SEMA6D: variants seen among roughly 807,000 people sequenced by gnomAD.
SEMA6D encodes semaphorin-6D.
SEMA6D carries 35 observed loss-of-function variants against 106.6 expected under a neutral mutation model. The ratio of observed to expected loss-of-function variants is 0.33; its 90% CI spans 0.25 to 0.44. The LOEUF is 0.44. SEMA6D is among the 20% of genes least tolerant of loss of function. SEMA6D has a pLI of 1.00. For synonymous variants in SEMA6D, 499 were observed against 487.7 expected (o/e 1.02, Z -0.31); for missense variants, 1,185 against 1,345.9 (o/e 0.88, Z 1.87).
Position 47,534,459 on chromosome 15 carries a change from A to G in SEMA6D, c.-87+63914A>G, listed in dbSNP as rs139486599. Among the ~76,000 whole-genome samples, 318 of 152,328 alleles carry G rather than the reference A, an allele frequency of 2.1e-3. 2 individuals are homozygous for G. The highest frequency in any genetic ancestry group is 7.0e-3 in the African/African-American group (292 of 41,570). ...CAGCCTCCCAGAGTGCTGGGATGAC[A>G]GGCATGAGCCACCACACCTGGCCAA... is the stretch of plus-strand genomic sequence containing the variant. On this transcript the variant is annotated intron_variant, in intron 3 of 19. Transcript: ENST00000558014.
chr15:47,735,851 T>G (rs918984714), intron 1 of SEMA6D, among the ~76,000 whole-genome samples: 11 of 152,240 alleles, frequency 7.2e-5, no homozygotes, highest in African/African-American at 2.7e-4. Context: ...ATCAAACCTA[T>G]GATGCTTAGT....
chr15:47,706,176 A>G (rs529731759), intron 4 of SEMA6D, among the ~76,000 whole-genome samples: 176 of 152,352 alleles, frequency 1.2e-3, no homozygotes, highest in African/African-American at 4.2e-3. Context: ...AATATTCATC[A>G]AAAGTCAAAC....
intron 3 of SEMA6D, among the ~76,000 whole-genome samples, chr15:47,525,981 CT>C (rs2044743083): frequency 6.6e-6 from 1 of 152,222 alleles, no homozygotes; most frequent in Non-Finnish European, 1.5e-5. Context: ...CTCTCAGCAC[CT>C]GTTGGAGAAC....
intron 1 of SEMA6D, among the ~76,000 whole-genome samples, chr15:47,737,124 T>C (rs2080490561): frequency 1.3e-5 from 2 of 152,210 alleles, no homozygotes. Flanking sequence ...GCAAAAATTA[T>C]AATATGCTAA....
intron 1 of SEMA6D, among the ~76,000 whole-genome samples, chr15:47,323,976 T>C (rs2037026687): frequency 9.7e-6 from 1 of 103,206 alleles, no homozygotes; most frequent in Admixed American, 1.1e-4. Flanking sequence ...AATTGACATA[T>C]ACAAGTGGCA....
At chr15:47,522,149 A>C (rs2044604365) in intron 3 of SEMA6D, among the ~76,000 whole-genome samples, 1 of 152,248 alleles carries the variant, frequency 6.6e-6, no homozygotes, top group Non-Finnish European at 1.5e-5. Context: ...TGTCCTGCGG[A>C]GCTGACACAG....
rs550685379 is a variant in SEMA6D at position 47,701,164 on chromosome 15, G to A, written c.-54-58581G>A. Among the ~76,000 whole-genome samples, 47 of 152,222 alleles carry A rather than the reference G, an allele frequency of 3.1e-4. 1 individual carries two copies. In the East Asian group the frequency reaches 8.3e-3, roughly 27 times the overall value. ...TCAAGGGAATGAAAAGATAAACCAA[G>A]GATTGGGAAAATATATTCCCAAATG... On this transcript the variant is annotated intron_variant, in intron 4 of 19. Coordinates refer to the SEMA6D transcript ENST00000558014.
chr15:47,628,040 G>A (rs765354726), intron 4 of SEMA6D, among the ~76,000 whole-genome samples: 2 of 151,650 alleles, frequency 1.3e-5, no homozygotes, highest in Non-Finnish European at 2.9e-5. Context: ...TCACTGCTAG[G>A]TACTATTACA....
chr15:47,283,885 C>T (rs556268122), intron 1 of SEMA6D, among the ~76,000 whole-genome samples: 5 of 152,288 alleles, frequency 3.3e-5, no homozygotes, highest in South Asian at 4.1e-4. Flanking sequence ...CATCTGCTGC[C>T]GCTGTTGCCC....
intron 1 of SEMA6D, among the ~76,000 whole-genome samples, chr15:47,257,060 C>CTTTT (rs531171004): frequency 7.3e-6 from 1 of 137,820 alleles, no homozygotes; most frequent in Admixed American, 7.3e-5. Context: ...GAACAGAATT[C>CTTTT]TTTTTTTTTT....
intron 4 of SEMA6D, among the ~76,000 whole-genome samples, chr15:47,658,045 T>G (rs2077838880): frequency 6.6e-6 from 1 of 152,102 alleles, no homozygotes; most frequent in South Asian, 2.1e-4. Flanking sequence ...CAGCAGGGCT[T>G]CATTTCTTTA....
Position 47,460,997 on chromosome 15 carries a change from T to C in SEMA6D, c.-158-9477T>C, listed in dbSNP as rs541424415. On this transcript the variant is annotated intron_variant, in intron 2 of 19. Transcript: ENST00000558014. ...GTGACTCCTGCCTACTTCCTCTTCC[T>C]GCTTCCTCCAGCCACTTCCTCTCTC... Among the ~76,000 whole-genome samples, 3 of 152,264 alleles carry C rather than the reference T, an allele frequency of 2.0e-5. No individual in the cohort carries two copies. In the East Asian group the frequency reaches 5.8e-4, roughly 30 times the overall value.
chr15:47,232,518 G>T (rs1199060774), intron 1 of SEMA6D, among the ~76,000 whole-genome samples: 1 of 81,348 alleles, frequency 1.2e-5, no homozygotes, highest in Non-Finnish European at 2.5e-5. Context: ...GTTATTCTAT[G>T]GGGGGAGGGT....
chr15:47,495,956 A>G (rs2043642705), intron 3 of SEMA6D, among the ~76,000 whole-genome samples: 2 of 152,080 alleles, frequency 1.3e-5, no homozygotes, highest in African/African-American at 4.8e-5. Context: ...TGAGGTTGTT[A>G]AACTAATCAA....
At position 47,196,540 on chromosome 15, in the gene SEMA6D, A is replaced by G. The variant is rs576873607; in HGVS notation, c.-239+12122A>G. On this transcript the variant is annotated intron_variant, in intron 1 of 19. Transcript: ENST00000558014. ...TTTTTTCAGAAATTTGGTTTGCTGT[A>G]TGTTCCATATTCTTTTTTCCTTCTT... 4.6e-5 allele frequency among the ~76,000 whole-genome samples: 7 copies of G among 152,306 alleles called. No homozygotes were observed. In the South Asian group the frequency reaches 1.5e-3, roughly 32 times the overall value.
At chr15:47,743,206 C>G (rs1341678261) in intron 1 of SEMA6D, among the ~76,000 whole-genome samples, 1 of 152,184 alleles carries the variant, frequency 6.6e-6, no homozygotes, top group African/African-American at 2.4e-5. Flanking sequence ...ACATCTGCAG[C>G]TGTAAGGGCA....
At chr15:47,256,505 A>G (rs1195612504) in intron 1 of SEMA6D, among the ~76,000 whole-genome samples, 6 of 152,190 alleles carry the variant, frequency 3.9e-5, no homozygotes, top group South Asian at 2.1e-4. Flanking sequence ...GCACATTTTT[A>G]GATATAGAAA....
At chr15:47,477,944 C>T (rs1418983136) in intron 3 of SEMA6D, among the ~76,000 whole-genome samples, 3 of 152,140 alleles carry the variant, frequency 2.0e-5, no homozygotes, top group Non-Finnish European at 4.4e-5. Context: ...CCTTCATTTA[C>T]TGTAGCTTGA....
intron 1 of SEMA6D, among the ~76,000 whole-genome samples, chr15:47,727,474 A>T (rs2079832207): frequency 6.6e-6 from 1 of 152,184 alleles, no homozygotes; most frequent in African/African-American, 2.4e-5. Context: ...ATCTTGCTAA[A>T]ATGCAGATTT....
Sources: gnomAD v4.1 joint callset for allele counts (sites outside exome capture counted in the v4.1 genomes callset) on GRCh38, gnomAD v4.1.1 for gene constraint, MANE v1.5 for transcripts, NCBI Gene and HGNC (gene_info 2026-07-23, HGNC 2026-07-21) for gene names.